BTBD8: variants seen among roughly 807,000 people sequenced by gnomAD.
BTBD8 encodes the protein BTB domain containing 8.
In BTBD8, 110 loss-of-function variants were observed where a neutral mutation model predicts 162.9. That is an observed-to-expected ratio of 0.68 (90% CI 0.58 to 0.79). The LOEUF is 0.79. Ranked by LOEUF, BTBD8 falls within the 30% of genes least tolerant of loss-of-function variation. The probability of loss-of-function intolerance (pLI) is 0.00; values close to 1 mark genes in which losing one functional copy is unlikely to be tolerated. For synonymous variants in BTBD8, 667 were observed against 716.1 expected (o/e 0.93, Z 1.10); for missense variants, 1,905 against 2,085.4 (o/e 0.91, Z 1.68).
At chr1:92,176,755 G>A (rs888117224) in intron 13 of BTBD8, 74 bp from the exon 14 acceptor site, 20 of 729,998 alleles carry the variant, frequency 2.7e-5, no homozygotes, top group Non-Finnish European at 4.0e-5. Context: ...TGAAAGACTG[G>A]CTTTTGGAAA....
At chr1:92,100,512 C>T (rs1648562744) in intron 2 of BTBD8, among the ~76,000 whole-genome samples, 1 of 152,086 alleles carries the variant, frequency 6.6e-6, no homozygotes. Context: ...TAGGTGTACT[C>T]AGATACTCTG....
chr1:92,150,274 A>T (rs77724655), intron 9 of BTBD8, among the ~76,000 whole-genome samples: 1 of 149,756 alleles, frequency 6.7e-6, no homozygotes, highest in Non-Finnish European at 1.5e-5. Flanking sequence ...CACTTCTTAT[A>T]TTGAATATTG....
At chr1:92,095,838 A>C (rs556146581) in intron 2 of BTBD8, among the ~76,000 whole-genome samples, 1 of 152,260 alleles carries the variant, frequency 6.6e-6, no homozygotes, top group South Asian at 2.1e-4. Flanking sequence ...GTTATCAATA[A>C]CTACAGCCCC....
chr1:92,138,624 C>T (rs1285200751), intron 5 of BTBD8, among the ~76,000 whole-genome samples: 2 of 152,210 alleles, frequency 1.3e-5, no homozygotes, highest in Non-Finnish European at 2.9e-5. Flanking sequence ...TCTGGAGTTC[C>T]TCCCAACTGA....
chr1:92,158,128 TA>T (rs1247470870), intron 9 of BTBD8, among the ~76,000 whole-genome samples: 12 of 152,206 alleles, frequency 7.9e-5, no homozygotes, highest in Admixed American at 5.2e-4. Flanking sequence ...AATGTGTTGT[TA>T]AATCTAAAGT....
intron 9 of BTBD8, among the ~76,000 whole-genome samples, chr1:92,150,033 G>C (rs944851640): frequency 6.6e-6 from 1 of 152,198 alleles, no homozygotes; most frequent in Non-Finnish European, 1.5e-5. Context: ...AGCCCCTACA[G>C]TTGTGTAAGG....
chr1:92,176,742 C>T, intron 13 of BTBD8, 87 bp from the exon 14 acceptor site: 1 of 652,890 alleles, frequency 1.5e-6, no homozygotes, highest in Non-Finnish European at 2.4e-6. Context: ...TATTTTTTTT[C>T]TTTGAAAGAC....
At chr1:92,162,286 A>G (rs1650289012) in intron 9 of BTBD8, among the ~76,000 whole-genome samples, 1 of 152,220 alleles carries the variant, frequency 6.6e-6, no homozygotes, top group Non-Finnish European at 1.5e-5. Flanking sequence ...ACCACATGAG[A>G]TACCTGCAGC....
At chr1:92,141,744 C>CATA (rs1649778956) in intron 7 of BTBD8, among the ~76,000 whole-genome samples, 1 of 152,182 alleles carries the variant, frequency 6.6e-6, no homozygotes, top group South Asian at 2.1e-4. Flanking sequence ...TGAAGCCATT[C>CATA]ATACATTATT....
At chr1:92,123,794 AAAG>A (rs1445507078) in intron 4 of BTBD8, among the ~76,000 whole-genome samples, 1 of 150,886 alleles carries the variant, frequency 6.6e-6, no homozygotes, top group Non-Finnish European at 1.5e-5. Flanking sequence ...AAAAAAAAAA[AAAG>A]AAAATTTGTA....
chr1:92,130,680 A>T (rs1227266461), intron 5 of BTBD8, among the ~76,000 whole-genome samples: 1 of 152,064 alleles, frequency 6.6e-6, no homozygotes, highest in East Asian at 1.9e-4. Context: ...TGCAAAGCAA[A>T]TATTTACATT....
At chr1:92,127,808 G>T (rs1471431340) in intron 4 of BTBD8, among the ~76,000 whole-genome samples, 1 of 152,092 alleles carries the variant, frequency 6.6e-6, no homozygotes, top group East Asian at 1.9e-4. Flanking sequence ...TGATCCGCCC[G>T]CCATGGCCTC....
intron 5 of BTBD8, among the ~76,000 whole-genome samples, chr1:92,133,900 G>A (rs1649569840): frequency 1.3e-5 from 2 of 152,008 alleles, no homozygotes; most frequent in Admixed American, 1.3e-4. Context: ...AACCCAGGAG[G>A]CGGAGCTTGC....
rs1343650771 is a variant in BTBD8, at chr1:92,178,389, A to G, written c.2519A>G (p.Asn840Ser). The change falls in exon 16 of 18, where the codon AAT becomes AGT. Residue 840 changes from asparagine to serine, a missense_variant. Coordinates refer to ENST00000636805, the MANE Select transcript of BTBD8 (RefSeq NM_001376131.1). ...QAILKKRGTS[N>S]GCTAAQQRTK... ...ATTTTGAAGAAAAGAGGAACTAGCAATGGATGTACTGCAGCTCAGCAGAGG... is the reference window on the plus strand; with the variant it reads ...ATTTTGAAGAAAAGAGGAACTAGCAGTGGATGTACTGCAGCTCAGCAGAGG... 3.2e-6 allele frequency: 5 copies of G among 1,551,506 alleles called. No homozygotes were observed. Among genetic ancestry groups the G allele is most frequent in the Non-Finnish European group, 4.4e-6 (5 of 1,146,766 alleles).
intron 1 of BTBD8, among the ~76,000 whole-genome samples, chr1:92,085,648 T>G (rs1288978766): frequency 6.6e-6 from 1 of 152,038 alleles, no homozygotes; most frequent in Non-Finnish European, 1.5e-5. Flanking sequence ...GAGAATTGCT[T>G]GAACCCAGGA....
intron 7 of BTBD8, among the ~76,000 whole-genome samples, chr1:92,144,840 CACGTAT>C (rs1442367746): frequency 1.3e-5 from 2 of 150,704 alleles, no homozygotes; most frequent in Non-Finnish European, 3.0e-5. Context: ...CACACACACA[CACGTAT>C]ACACACACGT....
At chr1:92,095,669 G>C (rs1022028420) in intron 2 of BTBD8, among the ~76,000 whole-genome samples, 5 of 152,088 alleles carry the variant, frequency 3.3e-5, no homozygotes, top group Non-Finnish European at 7.4e-5. Context: ...AGCTACTATT[G>C]TCAATTTTCC....
In BTBD8 at chr1:92,182,010, G is replaced by T; in HGVS notation, c.4327G>T (p.Asp1443Tyr). 1 of 1,551,400 alleles carries T rather than the reference G, an allele frequency of 6.4e-7. No homozygotes were observed. The highest frequency in any genetic ancestry group is 8.7e-7 in the Non-Finnish European group (1 of 1,146,806). The part of the protein sequence containing the change: ...KFKRSVLLSV[D>Y]ECEELGSDEG... ...TAAAAGGTCAGTTTTACTTTCAGTCGATGAATGTGAAGAGCTGGGATCAGA... is the reference window on the plus strand; with the variant it reads ...TAAAAGGTCAGTTTTACTTTCAGTCTATGAATGTGAAGAGCTGGGATCAGA... Residue 1443 changes from aspartate (D) to tyrosine (Y), a missense_variant, in exon 17 of 18, where the codon GAT becomes TAT. This residue lies in a region of BTBD8 where 517 missense variants were observed against 606.6 expected (regional missense o/e 0.85). Coordinates refer to ENST00000636805, the MANE Select transcript of BTBD8 (RefSeq NM_001376131.1).
intron 12 of BTBD8, among the ~76,000 whole-genome samples, chr1:92,169,232 A>C (rs926515516): frequency 6.6e-6 from 1 of 152,334 alleles, no homozygotes; most frequent in East Asian, 1.9e-4. Flanking sequence ...CTTACTATAC[A>C]TTAGCAACAA....
Sources: gnomAD v4.1 joint callset for allele counts (sites outside exome capture counted in the v4.1 genomes callset) on GRCh38, gnomAD v4.1.1 for gene constraint, gnomAD v4.1.1 regional missense constraint, MANE v1.5 for transcripts, NCBI Gene and HGNC (gene_info 2026-07-23, HGNC 2026-07-21) for gene names.